The following ABLIM1 variants were observed in gnomAD, a reference collection of about 807,000 sequenced individuals.
ABLIM1 encodes the protein actin binding LIM protein 1.
In ABLIM1, 40 loss-of-function variants were observed where a neutral mutation model predicts 107.0. The observed-to-expected ratio is 0.37, with a 90% CI of 0.29 to 0.49. The LOEUF is 0.49. Ranked by LOEUF, ABLIM1 falls within the 20% of genes least tolerant of loss-of-function variation. The pLI, the probability that ABLIM1 is intolerant of heterozygous loss-of-function variation, is 0.97. For synonymous variants in ABLIM1, 357 were observed against 357.3 expected (o/e 1.00, Z 0.01); for missense variants, 857 against 1,008.5 (o/e 0.85, Z 2.04).
intron 1 of ABLIM1, chr10:114,768,005 C>T (rs1202332444): frequency 2.4e-6 from 1 of 424,210 alleles, no homozygotes; most frequent in Admixed American, 2.5e-5. Flanking sequence ...CCCGCCCTCC[C>T]GCACCTGTTC....
chr10:114,589,183 C>T lies in ABLIM1; in HGVS notation c.379+12644G>A, dbSNP rs557128816. On this transcript the variant is annotated intron_variant, in intron 2 of 22. Coordinates refer to ENST00000533213, the MANE Select transcript of ABLIM1 (RefSeq NM_002313.7). ...AAAGAAAATTTTTTGTATAGCTGTACGATGCGTGTGTGTGTCTGTGTGTGT... is the reference window on the plus strand; with the variant it reads ...AAAGAAAATTTTTTGTATAGCTGTATGATGCGTGTGTGTGTCTGTGTGTGT... Among the ~76,000 whole-genome samples, 76 of 146,652 alleles carry T rather than the reference C, an allele frequency of 5.2e-4. 1 individual carries two copies. The highest frequency in any genetic ancestry group is 3.9e-4 in the East Asian group (2 of 5,066).
rs1013223548 is a variant in ABLIM1 at position 114,433,231 on chromosome 10, G to T, written c.*3029C>A. The T allele has an allele frequency of 4.6e-5, 7 of 152,220 alleles. No homozygotes were observed. Among genetic ancestry groups the T allele is most frequent in the African/African-American group, 1.7e-4 (7 of 41,452 alleles). The allele number at this position is 152,220 out of a possible 1,614,324, so 9.4% of individuals were successfully genotyped here. ...CTGGAATTTTCATGTATAGTACAGG[G>T]TAGGGTAAAAGCAGACCAATAGCCA... On this transcript the variant is annotated 3_prime_UTR_variant, in exon 23 of 23. Transcript: ENST00000533213.
intron 6 of ABLIM1, among the ~76,000 whole-genome samples, chr10:114,498,285 A>G (rs1217805985): frequency 6.6e-6 from 1 of 152,198 alleles, no homozygotes; most frequent in African/African-American, 2.4e-5. Flanking sequence ...TACCCTCTAC[A>G]AGCTCACATA....
chr10:114,787,744 G>A, the ABLIM1 span, among the ~76,000 whole-genome samples: 8 of 139,724 alleles, frequency 5.7e-5, no homozygotes, highest in Non-Finnish European at 9.6e-5. Flanking sequence ...CGCCCCGTCC[G>A]GGAGGTGAGG....
At chr10:114,650,605 G>T (rs1349499674) in intron 1 of ABLIM1, among the ~76,000 whole-genome samples, 2 of 151,594 alleles carry the variant, frequency 1.3e-5, no homozygotes, top group Non-Finnish European at 2.9e-5. Context: ...CAAAAAAAAA[G>T]CTGGACCAAG....
chr10:114,465,432 A>C, intron 12 of ABLIM1: 1 of 275,066 alleles, frequency 3.6e-6, no homozygotes, highest in Non-Finnish European at 6.5e-6. Context: ...ATCGTAAAAA[A>C]ATTTTTAAAA....
intron 12 of ABLIM1, among the ~76,000 whole-genome samples, chr10:114,459,701 T>G (rs2063486497): frequency 6.6e-6 from 1 of 152,224 alleles, no homozygotes; most frequent in Non-Finnish European, 1.5e-5. Flanking sequence ...ACATTACACT[T>G]TGCATCTGAA....
intron 4 of ABLIM1, among the ~76,000 whole-genome samples, chr10:114,564,439 A>AT (rs34025724): frequency 0.27 from 38,450 of 143,816 alleles, 5,735 homozygotes; most frequent in African/African-American, 0.42. Flanking sequence ...TAATGTTTGT[A>AT]TTTTTTTTTT....
At chr10:114,723,644 G>T (rs1461541554) in intron 1 of ABLIM1, among the ~76,000 whole-genome samples, 2 of 152,206 alleles carry the variant, frequency 1.3e-5, no homozygotes, top group Non-Finnish European at 2.9e-5. Context: ...CACTGCTTTT[G>T]CAGCCCGCCT....
chr10:114,535,264 A>G (rs10885573), intron 6 of ABLIM1, among the ~76,000 whole-genome samples: 34,165 of 152,148 alleles, frequency 0.22, 4,428 homozygotes, highest in East Asian at 0.33. Flanking sequence ...CGCCACACAA[A>G]AAAACAAAAT....
At chr10:114,622,431 TG>T (rs1484814960) in intron 1 of ABLIM1, among the ~76,000 whole-genome samples, 9 of 151,512 alleles carry the variant, frequency 5.9e-5, no homozygotes, top group African/African-American at 2.2e-4. Flanking sequence ...TGTCGGGGGA[TG>T]GGGGGAATTT....
At chr10:114,611,894 C>T (rs1403378275) in intron 1 of ABLIM1, among the ~76,000 whole-genome samples, 2 of 152,124 alleles carry the variant, frequency 1.3e-5, no homozygotes, top group Non-Finnish European at 1.5e-5. Flanking sequence ...TTTCTCTGAC[C>T]ATGTTCAACC....
intron 4 of ABLIM1, among the ~76,000 whole-genome samples, chr10:114,567,269 C>T (rs1399947308): frequency 1.3e-5 from 2 of 152,152 alleles, no homozygotes; most frequent in African/African-American, 2.4e-5. Flanking sequence ...AACATGGCAT[C>T]GGGAGCCAGA....
intron 1 of ABLIM1, among the ~76,000 whole-genome samples, chr10:114,631,461 T>C (rs2078170714): frequency 1.3e-5 from 2 of 152,188 alleles, no homozygotes; most frequent in Middle Eastern, 6.8e-3. Context: ...TTCAGCCGGA[T>C]CTAGCGAGGC....
Position 114,433,550 on chromosome 10 carries a change from C to A in ABLIM1, c.*2710G>T, listed in dbSNP as rs1361968321. On this transcript the variant is annotated 3_prime_UTR_variant, in exon 23 of 23. Transcript: ENST00000533213. Reference sequence around the variant, plus strand: ...TTCTGCAAGGTGCAGTTTAAATGAACTCATATGGTACTTGATATGGAAAGA... The same window carrying A: ...TTCTGCAAGGTGCAGTTTAAATGAAATCATATGGTACTTGATATGGAAAGA... The A allele has an allele frequency of 7.9e-5, 12 of 152,212 alleles. No individual in the cohort carries two copies. The highest frequency in any genetic ancestry group is 2.9e-5 in the Non-Finnish European group (2 of 68,060). The allele number at this position is 152,212 out of a possible 1,614,324, so 9.4% of individuals were successfully genotyped here.
chr10:114,782,140 G>A, the ABLIM1 span, among the ~76,000 whole-genome samples: 77 of 152,062 alleles, frequency 5.1e-4, 1 homozygote, highest in Middle Eastern at 0.01. Context: ...CTTCATTTAG[G>A]AACTACAGAA....
At chr10:114,607,913 T>C (rs1381965583) in intron 1 of ABLIM1, among the ~76,000 whole-genome samples, 1 of 152,230 alleles carries the variant, frequency 6.6e-6, no homozygotes, top group Non-Finnish European at 1.5e-5. Flanking sequence ...GTGTGGACTT[T>C]AGTTCATAAC....
chr10:114,701,632 G>A (rs1348709296), intron 1 of ABLIM1, among the ~76,000 whole-genome samples: 1 of 152,120 alleles, frequency 6.6e-6, no homozygotes, highest in Non-Finnish European at 1.5e-5. Context: ...GCATCACACA[G>A]ACCTTACACT....
chr10:114,730,428 C>T (rs1365271366), intron 1 of ABLIM1, among the ~76,000 whole-genome samples: 1 of 148,176 alleles, frequency 6.7e-6, no homozygotes, highest in African/African-American at 2.5e-5. Flanking sequence ...AAGAATTCCA[C>T]GTAGAGAAGG....
Sources: allele counts gnomAD v4.1 joint callset (sites outside exome capture counted in the v4.1 genomes callset), GRCh38; gene constraint gnomAD v4.1.1; transcripts MANE v1.5; gene names NCBI Gene and HGNC (gene_info 2026-07-23, HGNC 2026-07-21).